MPP3: variants seen among roughly 807,000 people sequenced by gnomAD.
MPP3 encodes the protein MAGUK p55 scaffold protein 3.
Under a neutral mutation model 80.7 loss-of-function variants are expected in MPP3, and 48 were observed. The ratio of observed to expected loss-of-function variants is 0.59; its 90% CI spans 0.47 to 0.76. MPP3 has a LOEUF of 0.76. Ranked by LOEUF, MPP3 falls within the 30% of genes least tolerant of loss-of-function variation. The pLI, the probability that MPP3 is intolerant of heterozygous loss-of-function variation, is 0.00. For missense variants in MPP3, 620 were observed against 763.0 expected (o/e 0.81, Z 2.21); for synonymous variants, 311 against 297.6 (o/e 1.04, Z -0.46).
At position 43,831,690 on chromosome 17, in the gene MPP3, G is replaced by A. The variant is rs773500687; in HGVS notation, c.26-13C>T. The A allele has an allele frequency of 6.3e-7, 1 of 1,594,264 alleles. No individual in the cohort carries two copies. Among genetic ancestry groups the A allele is most frequent in the East Asian group, 2.2e-5 (1 of 44,622 alleles). The stretch of plus-strand genomic sequence containing the variant: ...GTTTCATGCAAACCTGGGGAGAGGT[G>A]AGAAAAACAAAGGATAGCAAACGCA... On this transcript the variant is annotated splice_polypyrimidine_tract_variant and intron_variant, in intron 3 of 19. Transcript: ENST00000398389.
intron 19 of MPP3, among the ~76,000 whole-genome samples, chr17:43,807,969 A>G (rs1251107450): frequency 6.6e-6 from 1 of 151,794 alleles, no homozygotes; most frequent in African/African-American, 2.4e-5. Context: ...CCAAAAAAAT[A>G]AAAGGCTGGG....
At chr17:43,828,114 A>T (rs2143121143) in intron 7 of MPP3, among the ~76,000 whole-genome samples, 1 of 152,276 alleles carries the variant, frequency 6.6e-6, no homozygotes, top group South Asian at 2.1e-4. Flanking sequence ...GGTAAAGGGG[A>T]AAGCTTTTTG....
intron 5 of MPP3, 29 bp downstream of exon 5, chr17:43,831,215 G>A (rs772829080): frequency 2.5e-6 from 4 of 1,609,478 alleles, no homozygotes; most frequent in African/African-American, 1.3e-5. Context: ...GAGTGGGGCA[G>A]ACACTGTAAG....
In MPP3 at chr17:43,808,945, T is replaced by G. The variant is rs754301814; in HGVS notation, c.1581+11A>C. On this transcript the variant is annotated intron_variant, in intron 19 of 19. Coordinates refer to ENST00000398389, the MANE Select transcript of MPP3 (RefSeq NM_001932.6). ...GGCCTTCAGAAAAGAAACAATCAAC[T>G]TTAAACTTACAAATGGGGCTGCTGT... 6.3e-7 allele frequency: 1 copy of G among 1,588,528 alleles called. No individual in the cohort carries two copies. The highest frequency in any genetic ancestry group is 8.5e-7 in the Non-Finnish European group (1 of 1,173,736).
Position 43,801,589 on chromosome 17 carries a change from T to C in MPP3, c.*112A>G. The C allele has an allele frequency of 2.9e-6, 3 of 1,049,468 alleles. No individual in the cohort carries two copies. Among genetic ancestry groups the C allele is most frequent in the Non-Finnish European group, 4.3e-6 (3 of 701,860 alleles). 65.0% of individuals were successfully genotyped at this position (1,049,468 alleles called of 1,614,324 possible). A position where few individuals can be genotyped will look rare whatever the true frequency, so the allele number is the denominator to read the frequency against. ...CTTATACTCTTCTCGATGATGGAATTTGTGGAGAATTCTCTCCCTCTCTGC... is the reference window on the plus strand; with the variant it reads ...CTTATACTCTTCTCGATGATGGAATCTGTGGAGAATTCTCTCCCTCTCTGC... On this transcript the variant is annotated 3_prime_UTR_variant, in exon 20 of 20. Coordinates refer to ENST00000398389, the MANE Select transcript of MPP3 (RefSeq NM_001932.6).
chr17:43,809,580 G>A (rs1343880715), intron 18 of MPP3, among the ~76,000 whole-genome samples: 2 of 152,090 alleles, frequency 1.3e-5, no homozygotes, highest in African/African-American at 4.8e-5. Flanking sequence ...ACTGTAGACT[G>A]TAGAAACTGC....
intron 19 of MPP3, among the ~76,000 whole-genome samples, 166 bp downstream of exon 19, chr17:43,808,790 A>G (rs2044724786): frequency 6.9e-6 from 1 of 145,878 alleles, no homozygotes; most frequent in Admixed American, 6.6e-5. Context: ...TGGCCATGTA[A>G]TCATCTTCTC....
intron 2 of MPP3, chr17:43,832,345 G>T: frequency 4.3e-6 from 1 of 230,254 alleles, no homozygotes; most frequent in South Asian, 5.5e-5. Flanking sequence ...GTCCTCCGCA[G>T]CGCGCCCCCT....
intron 5 of MPP3, 48 bp downstream of exon 5, chr17:43,831,196 C>T (rs748713122): frequency 6.4e-7 from 1 of 1,573,864 alleles, no homozygotes. Context: ...AGGAGCCCTA[C>T]AGGGTGGGGA....
At chr17:43,822,412 C>T (rs547264756) in intron 10 of MPP3, among the ~76,000 whole-genome samples, 1 of 152,168 alleles carries the variant, frequency 6.6e-6, no homozygotes, top group African/African-American at 2.4e-5. Flanking sequence ...TGCTTCCTTC[C>T]ATTCTCTGCT....
At chr17:43,829,520 G>C in intron 7 of MPP3, 134 bp downstream of exon 7, 1 of 1,040,702 alleles carries the variant, frequency 9.6e-7, no homozygotes, top group Non-Finnish European at 1.4e-6. Context: ...AGGCACCACA[G>C]GGATGAGCAG....
chr17:43,815,940 A>C, intron 14 of MPP3, 98 bp downstream of exon 14: 3 of 1,099,606 alleles, frequency 2.7e-6, no homozygotes, highest in Middle Eastern at 2.1e-4. Flanking sequence ...CTCCAGAAGG[A>C]CTCCTGGGGC....
intron 12 of MPP3, chr17:43,817,823 A>C (rs1598344502): frequency 2.6e-6 from 1 of 379,260 alleles, no homozygotes. Flanking sequence ...CTGTTAACAT[A>C]CCCCCCAGCA....
intron 16 of MPP3, among the ~76,000 whole-genome samples, 153 bp downstream of exon 16, chr17:43,813,858 T>A (rs1239958879): frequency 6.6e-6 from 1 of 152,182 alleles, no homozygotes; most frequent in Non-Finnish European, 1.5e-5. Flanking sequence ...TTTCTTCCCA[T>A]CATGCCTTTG....
intron 10 of MPP3, 150 bp from the exon 11 acceptor site, chr17:43,821,208 C>T (rs1040942224): frequency 1.8e-5 from 12 of 685,590 alleles, no homozygotes; most frequent in Admixed American, 2.5e-5. Context: ...ATACACTGCA[C>T]GTATGTTCTT....
chr17:43,825,566 G>C (rs764861794), intron 9 of MPP3, 190 bp downstream of exon 9: 18 of 560,902 alleles, frequency 3.2e-5, no homozygotes, highest in Non-Finnish European at 5.5e-5. Context: ...AGATGGAAGG[G>C]AAGTTCCCCT....
chr17:43,810,302 A>G (rs1251410594), intron 18 of MPP3, among the ~76,000 whole-genome samples: 1 of 152,144 alleles, frequency 6.6e-6, no homozygotes, highest in Non-Finnish European at 1.5e-5. Context: ...GGTGTGCAGG[A>G]GTGGAAATGT....
At position 43,827,469 on chromosome 17, in the gene MPP3, G is replaced by A. The variant is rs544316145; in HGVS notation, c.523+282C>T. Among the ~76,000 whole-genome samples, 93 of 151,970 alleles carry A rather than the reference G, an allele frequency of 6.1e-4. 2 individuals are homozygous for A. Among genetic ancestry groups the A allele is most frequent in the Middle Eastern group, 3.4e-3 (1 of 294 alleles). ...GGGGTTTCGCCATGTTGGCTAGGCTGGTCTGGAACTCCTGGCTTCAAGTGA... is the reference window on the plus strand; with the variant it reads ...GGGGTTTCGCCATGTTGGCTAGGCTAGTCTGGAACTCCTGGCTTCAAGTGA... On this transcript the variant is annotated intron_variant, in intron 8 of 19. Transcript: ENST00000398389.
chr17:43,814,870 G>A (rs555515009), intron 14 of MPP3, among the ~76,000 whole-genome samples: 73 of 152,280 alleles, frequency 4.8e-4, no homozygotes, highest in African/African-American at 1.6e-3. Context: ...AAAGGGACAC[G>A]ATGTCTACAA....
Sources: gnomAD v4.1 joint callset for allele counts (sites outside exome capture counted in the v4.1 genomes callset) on GRCh38, gnomAD v4.1.1 for gene constraint, MANE v1.5 for transcripts, NCBI Gene and HGNC (gene_info 2026-07-23, HGNC 2026-07-21) for gene names.